Variants in TMEM154 observed in about 807,000 individuals in gnomAD.
TMEM154 encodes transmembrane protein 154.
A neutral mutation model predicts 24.5 loss-of-function variants in TMEM154; 27 were observed. The ratio of observed to expected loss-of-function variants is 1.10; its 90% CI spans 0.81 to 1.52. The LOEUF (loss-of-function observed/expected upper bound fraction) is 1.52. Among genes scored for constraint, TMEM154 ranks in the 40% most tolerant of loss-of-function variants. The pLI is 0.00. For synonymous variants in TMEM154, 67 were observed against 76.8 expected (o/e 0.87, Z 0.67); for missense variants, 228 against 213.4 (o/e 1.07, Z -0.43).
At chr4:152,643,575 C>A (rs555608146) in intron 4 of TMEM154, among the ~76,000 whole-genome samples, 2 of 152,160 alleles carry the variant, frequency 1.3e-5, no homozygotes, top group African/African-American at 4.8e-5. Flanking sequence ...TTGATCAGTG[C>A]CCCAGGTCAA....
chr4:152,643,084 A>C lies in TMEM154; in HGVS notation c.478+4T>G. 6.2e-7 allele frequency: 1 copy of C among 1,610,572 alleles called. No individual in the cohort carries two copies. Among genetic ancestry groups the C allele is most frequent in the Non-Finnish European group, 8.5e-7 (1 of 1,178,372 alleles). On this transcript the variant is annotated splice_donor_region_variant and intron_variant, in intron 5 of 6. Coordinates refer to ENST00000304385, the MANE Select transcript of TMEM154 (RefSeq NM_152680.3). ...AAAAAAAACAACTTTAGGTTACCACATACCATTTCTATTCATGCTGTTCAT... is the reference window on the plus strand; with the variant it reads ...AAAAAAAACAACTTTAGGTTACCACCTACCATTTCTATTCATGCTGTTCAT...
chr4:152,659,934 C>T (rs1300785886), intron 1 of TMEM154, among the ~76,000 whole-genome samples: 4 of 152,200 alleles, frequency 2.6e-5, no homozygotes, highest in Non-Finnish European at 5.9e-5. Context: ...CATGTGATCT[C>T]TCTCTGGCTC....
At position 152,628,478 on chromosome 4, in the gene TMEM154, T is replaced by C. The variant is rs970704297; in HGVS notation, c.*68A>G. ...AATTAAATTTGTATCCTCTTCATCC[T>C]CTGTTGGCAGCCTCAGCAGACTCCC... On this transcript the variant is annotated 3_prime_UTR_variant, in exon 7 of 7. Transcript: ENST00000304385. 1.3e-6 allele frequency: 2 copies of C among 1,583,654 alleles called. No individual in the cohort carries two copies. The highest frequency in any genetic ancestry group is 1.7e-6 in the Non-Finnish European group (2 of 1,162,526).
At chr4:152,657,742 C>T (rs188282092) in intron 1 of TMEM154, among the ~76,000 whole-genome samples, 12 of 152,080 alleles carry the variant, frequency 7.9e-5, no homozygotes, top group Admixed American at 2.0e-4. Context: ...ATAAAGGAAC[C>T]CCTATCAGAC....
chr4:152,630,910 T>C (rs1393211983), intron 6 of TMEM154, among the ~76,000 whole-genome samples: 3 of 152,210 alleles, frequency 2.0e-5, no homozygotes, highest in African/African-American at 7.2e-5. Flanking sequence ...CATGTAAACA[T>C]CTGTCTCTGC....
chr4:152,661,284 TTCTCTCTCTCTCTCTCTCTC>T lies in TMEM154; in HGVS notation c.65-8377_65-8358del, dbSNP rs70949609. The stretch of plus-strand genomic sequence containing the variant: ...AATGAGAATCAAGGGATTGTTCTCT[TTCTCTCTCTCTCTCTCTCTC>T]TCTCTCTCTCTCTCTCTCTCTCTCT... On this transcript the variant is annotated intron_variant, in intron 1 of 6. Transcript: ENST00000304385. Among the ~76,000 whole-genome samples, 559 of 63,462 alleles carry T rather than the reference TTCTCTCTCTCTCTCTCTCTC, an allele frequency of 8.8e-3. 2 individuals are homozygous for T. Among genetic ancestry groups the T allele is most frequent in the Admixed American group, 0.012 (54 of 4,452 alleles). The allele number at this position is 63,462 out of a possible 152,430, so 41.6% of individuals were successfully genotyped here. A position where few individuals can be genotyped will look rare whatever the true frequency, so the allele number is the denominator to read the frequency against.
rs1356674737 is a variant in TMEM154, at chr4:152,628,091, G to A, written c.*455C>T. The A allele has an allele frequency of 1.8e-5, 3 of 168,312 alleles. No individual in the cohort carries two copies. Among genetic ancestry groups the A allele is most frequent in the Admixed American group, 5.9e-5 (1 of 16,962 alleles). 10.4% of individuals were successfully genotyped at this position (168,312 alleles called of 1,614,324 possible). ...GCTGAATGTAGTTTACCTGTCCCAC[G>A]ACTTGAATAATCAGAGGAAATTATC... is the stretch of plus-strand genomic sequence containing the variant. On this transcript the variant is annotated 3_prime_UTR_variant, in exon 7 of 7. Coordinates refer to ENST00000304385, the MANE Select transcript of TMEM154 (RefSeq NM_152680.3).
intron 1 of TMEM154, among the ~76,000 whole-genome samples, chr4:152,661,300 C>T (rs1442739481): frequency 3.9e-4 from 42 of 107,270 alleles, no homozygotes; most frequent in African/African-American, 1.3e-3. Flanking sequence ...CTCTCTCTCT[C>T]TCTCTCTCTC....
intron 1 of TMEM154, chr4:152,670,132 T>C (rs1408012840): frequency 2.0e-5 from 3 of 152,250 alleles, no homozygotes; most frequent in Admixed American, 6.5e-5. Context: ...TTGCCACTTA[T>C]TGTGTATTTT....
intron 6 of TMEM154, among the ~76,000 whole-genome samples, chr4:152,634,808 G>T (rs1450599459): frequency 1.3e-5 from 2 of 152,190 alleles, no homozygotes; most frequent in African/African-American, 4.8e-5. Context: ...AATTACAGAT[G>T]ATCCCTGACT....
chr4:152,628,587 A>T, intron 6 of TMEM154, 26 bp from the exon 7 acceptor site: 2 of 1,048,302 alleles, frequency 1.9e-6, no homozygotes, highest in Non-Finnish European at 1.2e-6. Context: ...AAAAAAAAAA[A>T]AAAAACAAAA....
chr4:152,637,240 C>T (rs373074451), intron 6 of TMEM154, among the ~76,000 whole-genome samples: 16 of 152,270 alleles, frequency 1.1e-4, no homozygotes, highest in African/African-American at 2.9e-4. Context: ...GTTTCACTTG[C>T]GTGGTGCTTT....
At chr4:152,661,302 CT>C (rs1728602517) in intron 1 of TMEM154, among the ~76,000 whole-genome samples, 1 of 122,198 alleles carries the variant, frequency 8.2e-6, no homozygotes, top group Non-Finnish European at 1.7e-5. Flanking sequence ...CTCTCTCTCT[CT>C]CTCTCTCTCT....
At chr4:152,648,823 C>A (rs995858397) in intron 3 of TMEM154, among the ~76,000 whole-genome samples, 4 of 152,178 alleles carry the variant, frequency 2.6e-5, no homozygotes. Context: ...TCCCCCCACC[C>A]CTTGAGTCCA....
chr4:152,651,659 C>T (rs1217590851), intron 3 of TMEM154, among the ~76,000 whole-genome samples: 1 of 152,226 alleles, frequency 6.6e-6, no homozygotes, highest in African/African-American at 2.4e-5. Flanking sequence ...ACCACTGAAA[C>T]TTTCTCTATA....
chr4:152,668,264 A>G (rs1320143308), intron 1 of TMEM154: 4 of 152,030 alleles, frequency 2.6e-5, no homozygotes, highest in African/African-American at 9.7e-5. Context: ...CGTACCATCA[A>G]TGAGATAAGC....
Position 152,632,254 on chromosome 4 carries a change from G to A in TMEM154, c.537-3693C>T, listed in dbSNP as rs184027285. On this transcript the variant is annotated intron_variant, in intron 6 of 6. Transcript: ENST00000304385. ...TCAAACTCACCTGGAGTATATTTTA[G>A]TATAAAGCATGAGGTTGAGCTCTAA... 3.3e-5 allele frequency among the ~76,000 whole-genome samples: 5 copies of A among 151,754 alleles called. No individual in the cohort carries two copies. In the South Asian group the frequency reaches 1.0e-3, roughly 32 times the overall value.
chr4:152,633,127 G>C (rs561030929), intron 6 of TMEM154, among the ~76,000 whole-genome samples: 2 of 152,172 alleles, frequency 1.3e-5, no homozygotes, highest in South Asian at 4.1e-4. Context: ...GAAGCATTTT[G>C]AAGGCTCACT....
chr4:152,640,782 T>C, intron 6 of TMEM154, 146 bp downstream of exon 6: 2 of 656,854 alleles, frequency 3.0e-6, no homozygotes, highest in Non-Finnish European at 5.2e-6. Context: ...CTTCCTCTTC[T>C]CCACACTATG....
Sources: gnomAD v4.1 joint callset for allele counts (sites outside exome capture counted in the v4.1 genomes callset) on GRCh38, gnomAD v4.1.1 for gene constraint, MANE v1.5 for transcripts, NCBI Gene and HGNC (gene_info 2026-07-23, HGNC 2026-07-21) for gene names.